FGF12: variants seen among roughly 807,000 people sequenced by gnomAD.
FGF12 encodes fibroblast growth factor 12B.
FGF12 carries 14 observed loss-of-function variants against 23.6 expected under a neutral mutation model. That is an observed-to-expected ratio of 0.59 (90% CI 0.39 to 0.93). FGF12 has a LOEUF of 0.93. FGF12 is among the 40% of genes least tolerant of loss of function. FGF12 has a pLI of 0.00. For missense variants in FGF12, 175 were observed against 217.8 expected, an observed-to-expected ratio of 0.80 and a Z score of 1.24; for synonymous variants, 62 against 77.3, an observed-to-expected ratio of 0.80 and a Z score of 1.04.
intron 4 of FGF12, among the ~76,000 whole-genome samples, chr3:192,208,308 C>T (rs959006527): frequency 6.6e-5 from 10 of 152,320 alleles, no homozygotes; most frequent in South Asian, 2.1e-4. Flanking sequence ...ATTTCAGCCA[C>T]CATAACTCAA....
intron 4 of FGF12, among the ~76,000 whole-genome samples, chr3:192,208,485 T>G (rs1717763729): frequency 6.6e-6 from 1 of 152,228 alleles, no homozygotes; most frequent in Non-Finnish European, 1.5e-5. Flanking sequence ...TCAGATGAAC[T>G]ATGTCCTTTG....
At chr3:192,228,141 T>C (rs1718833611) in intron 4 of FGF12, among the ~76,000 whole-genome samples, 1 of 152,106 alleles carries the variant, frequency 6.6e-6, no homozygotes, top group Non-Finnish European at 1.5e-5. Context: ...GAACAGTGGA[T>C]TTTAAATGTT....
intron 3 of FGF12, among the ~76,000 whole-genome samples, chr3:192,350,528 A>T (rs1718170708): frequency 6.6e-6 from 1 of 152,118 alleles, no homozygotes; most frequent in Non-Finnish European, 1.5e-5. Flanking sequence ...ACTAGAAAAG[A>T]TCTTTTTGAG....
At chr3:192,598,222 T>C (rs181705203) in intron 2 of FGF12, among the ~76,000 whole-genome samples, 69 of 152,278 alleles carry the variant, frequency 4.5e-4, no homozygotes, top group Non-Finnish European at 5.4e-4. Context: ...AAAGCTAACA[T>C]GACACCAAAT....
intron 4 of FGF12, among the ~76,000 whole-genome samples, chr3:192,220,756 A>C (rs1233628872): frequency 6.6e-6 from 1 of 152,202 alleles, no homozygotes; most frequent in Non-Finnish European, 1.5e-5. Flanking sequence ...CATTGAAAAG[A>C]AGCCTTAGAA....
chr3:192,627,036 T>C (rs1037995896), intron 2 of FGF12, among the ~76,000 whole-genome samples: 1 of 152,218 alleles, frequency 6.6e-6, no homozygotes, highest in African/African-American at 2.4e-5. Flanking sequence ...TATTATCAGC[T>C]TAAAAATCTA....
At chr3:192,312,182 G>A (rs1023778322) in intron 4 of FGF12, among the ~76,000 whole-genome samples, 4 of 151,892 alleles carry the variant, frequency 2.6e-5, no homozygotes, top group African/African-American at 7.3e-5. Context: ...TCAACATATC[G>A]ATTCTTCTTT....
chr3:192,401,689 C>T (rs1720767611), intron 2 of FGF12, among the ~76,000 whole-genome samples: 1 of 152,062 alleles, frequency 6.6e-6, no homozygotes, highest in Admixed American at 6.6e-5. Context: ...TTCTTTGGAC[C>T]CTAGATTAAA....
intron 2 of FGF12, among the ~76,000 whole-genome samples, chr3:192,638,849 C>T (rs1235102171): frequency 6.6e-6 from 1 of 152,140 alleles, no homozygotes; most frequent in African/African-American, 2.4e-5. Context: ...AAATGATTCC[C>T]AGGAGGCATT....
intron 2 of FGF12, among the ~76,000 whole-genome samples, chr3:192,411,760 A>G (rs761740333): frequency 1.3e-4 from 20 of 152,228 alleles, no homozygotes; most frequent in Non-Finnish European, 2.5e-4. Context: ...GACAAAGGTC[A>G]GCTAAGGGGA....
intron 2 of FGF12, among the ~76,000 whole-genome samples, chr3:192,617,394 G>A (rs1262289485): frequency 6.6e-6 from 1 of 151,952 alleles, no homozygotes; most frequent in African/African-American, 2.4e-5. Flanking sequence ...TCAGGACATG[G>A]CTGCCTAGGA....
intron 2 of FGF12, among the ~76,000 whole-genome samples, chr3:192,385,948 G>A (rs1321227710): frequency 6.6e-6 from 1 of 152,126 alleles, no homozygotes; most frequent in Admixed American, 6.6e-5. Context: ...TAGAGTCCAG[G>A]ACAAAGGCCC....
intron 2 of FGF12, among the ~76,000 whole-genome samples, chr3:192,426,342 G>A (rs1320379027): frequency 6.6e-6 from 1 of 152,150 alleles, no homozygotes; most frequent in Admixed American, 6.6e-5. Flanking sequence ...CACAGCAGAG[G>A]GCTAGGGAGT....
intron 4 of FGF12, among the ~76,000 whole-genome samples, chr3:192,222,595 T>C (rs2108574527): frequency 6.6e-6 from 1 of 152,242 alleles, no homozygotes; most frequent in South Asian, 2.1e-4. Flanking sequence ...TGAAAATATG[T>C]CTCTCCTCCA....
rs57742727 is a variant in FGF12 at position 192,383,421 on chromosome 3, T to A, written c.14-22883A>T. On this transcript the variant is annotated intron_variant, in intron 2 of 5. Coordinates refer to ENST00000445105, the MANE Select transcript of FGF12 (RefSeq NM_004113.6). ...GAGGGGGAAAAGGCAGTCAAGGTGG[T>A]CTTAAATAAAACAAGTTATTCTCAT... 5.2e-3 allele frequency among the ~76,000 whole-genome samples: 783 copies of A among 151,936 alleles called. 4 individuals are homozygous for A. The highest frequency in any genetic ancestry group is 0.018 in the African/African-American group (741 of 41,444).
intron 3 of FGF12, among the ~76,000 whole-genome samples, chr3:192,339,916 AC>A (rs1390498391): frequency 6.6e-6 from 1 of 152,184 alleles, no homozygotes; most frequent in Non-Finnish European, 1.5e-5. Flanking sequence ...TGACAAAAAC[AC>A]GTTATTTCCA....
rs746233904 is a variant in FGF12 at position 192,146,272 on chromosome 3, A to ATATATTTTTT, written c.428-2146_428-2145insAAAAAATATA. On this transcript the variant is annotated intron_variant, in intron 5 of 5. Transcript: ENST00000445105. ...TTTTCTAATTTTCATTAAAGTGTAT[A>ATATATTTTTT]TTTTTTTTTTTTTTTTGAGACGGAG... Among the ~76,000 whole-genome samples the ATATATTTTTT allele has an allele frequency of 1.4e-3, 203 of 143,268 alleles. 2 individuals are homozygous for ATATATTTTTT. Among genetic ancestry groups the ATATATTTTTT allele is most frequent in the African/African-American group, 5.1e-3 (193 of 38,206 alleles). The allele number at this position is 143,268 out of a possible 152,430, so 94.0% of individuals were successfully genotyped here.
At chr3:192,588,349 C>CAAAAAAAAAAAAAAAAAAAAAA (rs1201739223) in intron 2 of FGF12, among the ~76,000 whole-genome samples, 1 of 66,984 alleles carries the variant, frequency 1.5e-5, no homozygotes, top group African/African-American at 5.7e-5. Flanking sequence ...CAATCCGTCT[C>CAAAAAAAAAAAAAAAAAAAAAA]AAAAAAAAAA....
At chr3:192,212,798 TA>T (rs1553850521) in intron 4 of FGF12, among the ~76,000 whole-genome samples, 2 of 143,820 alleles carry the variant, frequency 1.4e-5, no homozygotes, top group Non-Finnish European at 1.5e-5. Context: ...GGGGGGGGGT[TA>T]AAAAAAGAAA....
Sources: allele counts gnomAD v4.1 joint callset (sites outside exome capture counted in the v4.1 genomes callset), GRCh38; gene constraint gnomAD v4.1.1; transcripts MANE v1.5; gene names NCBI Gene and HGNC (gene_info 2026-07-23, HGNC 2026-07-21).